Variants in SH3GL2 observed in about 807,000 individuals in gnomAD.
The protein encoded by SH3GL2 is endophilin-A1.
SH3GL2 carries 24 observed loss-of-function variants against 46.0 expected under a neutral mutation model. The observed-to-expected ratio is 0.52, with a 90% CI of 0.38 to 0.73. The LOEUF (loss-of-function observed/expected upper bound fraction) is 0.73. Ranked by LOEUF, SH3GL2 falls within the 30% of genes least tolerant of loss-of-function variation. The pLI is 0.00. For missense variants in SH3GL2, 413 were observed against 424.2 expected (o/e 0.97, Z 0.23); for synonymous variants, 196 against 147.1 (o/e 1.33, Z -2.40).
chr9:17,740,142 G>C (rs1439562936), intron 1 of SH3GL2, among the ~76,000 whole-genome samples: 2 of 151,970 alleles, frequency 1.3e-5, no homozygotes, highest in African/African-American at 4.8e-5. Flanking sequence ...TTGATAGTGA[G>C]AAATAAAATT....
At chr9:17,645,522 A>G in intron 1 of SH3GL2, among the ~76,000 whole-genome samples, 1 of 152,008 alleles carries the variant, frequency 6.6e-6, no homozygotes, top group Middle Eastern at 3.4e-3. Flanking sequence ...GTTTTTCCTT[A>G]CCATATTTAG....
At chr9:17,580,634 C>T (rs1319199445) in intron 1 of SH3GL2, among the ~76,000 whole-genome samples, 3 of 152,138 alleles carry the variant, frequency 2.0e-5, no homozygotes, top group Non-Finnish European at 1.5e-5. Flanking sequence ...GACCTCTCTG[C>T]CAGACATGTT....
intron 2 of SH3GL2, among the ~76,000 whole-genome samples, chr9:17,753,616 C>T (rs1029062390): frequency 1.1e-4 from 16 of 152,086 alleles, no homozygotes; most frequent in Non-Finnish European, 2.2e-4. Context: ...TTCTCTCATT[C>T]TATAGCTTGT....
At chr9:17,624,514 C>G (rs1315614520) in intron 1 of SH3GL2, among the ~76,000 whole-genome samples, 3 of 71,796 alleles carry the variant, frequency 4.2e-5, no homozygotes, top group Non-Finnish European at 1.1e-4. Context: ...AAGCAAGAGT[C>G]TCATATAATT....
chr9:17,613,214 G>C (rs1234628661), intron 1 of SH3GL2, among the ~76,000 whole-genome samples: 1 of 152,142 alleles, frequency 6.6e-6, no homozygotes, highest in African/African-American at 2.4e-5. Flanking sequence ...AAGTGACAGT[G>C]AGATAGTAGA....
chr9:17,582,010 T>C (rs1200339881), intron 1 of SH3GL2, among the ~76,000 whole-genome samples: 1 of 152,222 alleles, frequency 6.6e-6, no homozygotes, highest in African/African-American at 2.4e-5. Context: ...GGAAGGAGTC[T>C]GTTCACGCAA....
intron 1 of SH3GL2, among the ~76,000 whole-genome samples, chr9:17,595,779 G>A (rs1818558479): frequency 1.3e-5 from 2 of 152,138 alleles, no homozygotes; most frequent in South Asian, 2.1e-4. Context: ...CCATAAAGCA[G>A]ATATGTAATA....
intron 1 of SH3GL2, among the ~76,000 whole-genome samples, chr9:17,733,476 G>C (rs953894623): frequency 2.2e-4 from 33 of 151,678 alleles, no homozygotes; most frequent in Admixed American, 9.9e-4. Context: ...AACAACAGGT[G>C]CTGGAGAGGA....
intron 1 of SH3GL2, among the ~76,000 whole-genome samples, chr9:17,633,925 A>T (rs750165371): frequency 5.9e-5 from 9 of 152,102 alleles, no homozygotes; most frequent in Non-Finnish European, 1.2e-4. Flanking sequence ...TCCTTTGGCA[A>T]CCCCTTTCTG....
intron 1 of SH3GL2, among the ~76,000 whole-genome samples, chr9:17,635,022 A>G (rs1819510732): frequency 6.6e-6 from 1 of 152,184 alleles, no homozygotes; most frequent in Non-Finnish European, 1.5e-5. Flanking sequence ...CAAGATGTGC[A>G]GGTTTGTTAT....
intron 1 of SH3GL2, among the ~76,000 whole-genome samples, chr9:17,648,629 G>A (rs918322225): frequency 6.6e-6 from 1 of 152,138 alleles, no homozygotes; most frequent in African/African-American, 2.4e-5. Flanking sequence ...TTTCTAAAAT[G>A]TACTGAGGTA....
At chr9:17,606,848 T>A (rs1818769245) in intron 1 of SH3GL2, among the ~76,000 whole-genome samples, 1 of 152,188 alleles carries the variant, frequency 6.6e-6, no homozygotes, top group African/African-American at 2.4e-5. Flanking sequence ...AGCTTCACTC[T>A]TTGTCCAGGC....
At chr9:17,784,177 CCTT>C (rs1238702027) in intron 3 of SH3GL2, among the ~76,000 whole-genome samples, 6 of 151,984 alleles carry the variant, frequency 3.9e-5, no homozygotes, top group Non-Finnish European at 7.4e-5. Flanking sequence ...CTTTCTTCCT[CCTT>C]CTTATGAAAA....
chr9:17,705,440 G>T (rs1319463435), intron 1 of SH3GL2, among the ~76,000 whole-genome samples: 2 of 151,884 alleles, frequency 1.3e-5, no homozygotes, highest in African/African-American at 4.8e-5. Flanking sequence ...GCACATGTAT[G>T]CATATGTTCA....
intron 1 of SH3GL2, among the ~76,000 whole-genome samples, chr9:17,655,580 A>G (rs1475956370): frequency 6.6e-6 from 1 of 152,232 alleles, no homozygotes; most frequent in African/African-American, 2.4e-5. Context: ...CATCTTATCA[A>G]TAAGCATTTT....
At chr9:17,767,617 A>G (rs563792660) in intron 3 of SH3GL2, among the ~76,000 whole-genome samples, 2 of 152,192 alleles carry the variant, frequency 1.3e-5, no homozygotes, top group African/African-American at 4.8e-5. Flanking sequence ...TGCCTGGTAC[A>G]TTGTTTGCTC....
chr9:17,738,559 TACATACATATATATATAGAGAGAG>T (rs1822415470), intron 1 of SH3GL2, among the ~76,000 whole-genome samples: 9 of 22,630 alleles, frequency 4.0e-4, no homozygotes, highest in African/African-American at 1.6e-3. Flanking sequence ...TGTGTGTATA[TACATACATATATATATAGAGAGAG>T]AGAGAGAGAG....
chr9:17,776,409 G>C (rs1823641885), intron 3 of SH3GL2, among the ~76,000 whole-genome samples: 1 of 152,054 alleles, frequency 6.6e-6, no homozygotes, highest in Admixed American at 6.6e-5. Context: ...TCAGAGGCTT[G>C]GTCCCCTGAC....
At chr9:17,596,775 A>G (rs1319972136) in intron 1 of SH3GL2, among the ~76,000 whole-genome samples, 9 of 152,232 alleles carry the variant, frequency 5.9e-5, no homozygotes, top group Admixed American at 2.6e-4. Context: ...AACAAAATAC[A>G]TAAAAATGGA....
Sources: gnomAD v4.1 joint callset for allele counts (sites outside exome capture counted in the v4.1 genomes callset) on GRCh38, gnomAD v4.1.1 for gene constraint, MANE v1.5 for transcripts, NCBI Gene and HGNC (gene_info 2026-07-23, HGNC 2026-07-21) for gene names.